The following CLOCK variants were observed in gnomAD, a reference collection of about 807,000 sequenced individuals.
CLOCK encodes circadian locomoter output cycles protein kaput.
A neutral mutation model predicts 118.4 loss-of-function variants in CLOCK; 43 were observed. The observed-to-expected ratio is 0.36, with a 90% CI of 0.28 to 0.47. The LOEUF is 0.47. Ranked by LOEUF, CLOCK falls within the 20% of genes least tolerant of loss-of-function variation. CLOCK has a pLI of 1.00. For missense variants in CLOCK, 846 were observed against 999.9 expected (o/e 0.85, Z 2.08); for synonymous variants, 326 against 339.2 (o/e 0.96, Z 0.43).
intron 2 of CLOCK, among the ~76,000 whole-genome samples, chr4:55,507,926 C>CCT (rs1728913272): frequency 6.6e-6 from 1 of 152,166 alleles, no homozygotes; most frequent in Non-Finnish European, 1.5e-5. Flanking sequence ...CACCAAGACT[C>CCT]CTGTTTTCAG....
intron 3 of CLOCK, among the ~76,000 whole-genome samples, chr4:55,486,128 A>G (rs1210799811): frequency 6.6e-6 from 1 of 152,212 alleles, no homozygotes; most frequent in Non-Finnish European, 1.5e-5. Context: ...TAACATCATT[A>G]TGACTCCGTA....
intron 1 of CLOCK, among the ~76,000 whole-genome samples, chr4:55,515,672 C>A (rs1323719799): frequency 6.6e-6 from 1 of 152,170 alleles, no homozygotes; most frequent in Non-Finnish European, 1.5e-5. Context: ...CGCGAGCCAC[C>A]ACGCCCAGCC....
chr4:55,530,549 T>A (rs1179255082), intron 1 of CLOCK, among the ~76,000 whole-genome samples: 4 of 151,228 alleles, frequency 2.6e-5, no homozygotes. Context: ...CCGAGGAGGG[T>A]GGATCACTTG....
intron 2 of CLOCK, among the ~76,000 whole-genome samples, chr4:55,504,278 T>G (rs1577813655): frequency 1.3e-5 from 1 of 78,160 alleles, no homozygotes; most frequent in Non-Finnish European, 2.2e-5. Flanking sequence ...ACAGCGAGAC[T>G]CCATCAAAAA....
intron 11 of CLOCK, among the ~76,000 whole-genome samples, chr4:55,457,247 C>T (rs28401668): frequency 0.016 from 2,366 of 152,234 alleles, 65 homozygotes; most frequent in African/African-American, 0.055. Flanking sequence ...CACAATTTTC[C>T]GTATTATTCT....
chr4:55,509,386 C>T (rs190157186), intron 2 of CLOCK, among the ~76,000 whole-genome samples: 143 of 152,250 alleles, frequency 9.4e-4, no homozygotes, highest in Non-Finnish European at 1.5e-3. Context: ...AGTTAGTCTT[C>T]GAGATTTTTT....
intron 8 of CLOCK, among the ~76,000 whole-genome samples, chr4:55,469,334 A>T (rs891599985): frequency 1.2e-4 from 18 of 152,092 alleles, no homozygotes; most frequent in Non-Finnish European, 2.5e-4. Flanking sequence ...ACCTCAGGTG[A>T]TCTGCATGCC....
chr4:55,471,189 T>A lies in CLOCK; in HGVS notation c.349-383A>T, dbSNP rs114318101. Among the ~76,000 whole-genome samples the A allele has an allele frequency of 6.1e-3, 930 of 152,332 alleles. 8 individuals are homozygous for A. The Middle Eastern group carries it at 0.065, about 11-fold the overall frequency. ...TTTTGTAGGCACACAAAGGAATACT[T>A]TGTTATTATCATGGATATGTTAACA... is the stretch of plus-strand genomic sequence containing the variant. On this transcript the variant is annotated intron_variant, in intron 7 of 22. Coordinates refer to ENST00000513440, the MANE Select transcript of CLOCK (RefSeq NM_004898.4).
At position 55,456,366 on chromosome 4, in the gene CLOCK, A is replaced by G. The variant is rs146606043; in HGVS notation, c.793-66T>C. 2.7e-4 allele frequency: 305 copies of G among 1,147,030 alleles called. 2 individuals carry two copies. In the East Asian group the frequency reaches 8.1e-3, roughly 30 times the overall value. 71.1% of individuals were successfully genotyped at this position (1,147,030 alleles called of 1,614,324 possible). On this transcript the variant is annotated intron_variant, in intron 11 of 22. Transcript: ENST00000513440. ...TTAAGAATATTAAATATTGCTACATATAAAAATAAGTCATGGCCAGGTGCA... is the reference window on the plus strand; with the variant it reads ...TTAAGAATATTAAATATTGCTACATGTAAAAATAAGTCATGGCCAGGTGCA...
chr4:55,537,182 CAT>C (rs1364467152), intron 1 of CLOCK, among the ~76,000 whole-genome samples: 7 of 152,088 alleles, frequency 4.6e-5, no homozygotes, highest in Non-Finnish European at 7.4e-5. Flanking sequence ...AAAATGGAAA[CAT>C]ATCAAAAACT....
chr4:55,451,395 C>A (rs1724435669), intron 15 of CLOCK, among the ~76,000 whole-genome samples: 1 of 152,098 alleles, frequency 6.6e-6, no homozygotes. Flanking sequence ...TAGCTATTAC[C>A]CCCCTGTTGT....
Position 55,482,719 on chromosome 4 carries a change from A to C in CLOCK, c.47+20T>G. On this transcript the variant is annotated intron_variant, in intron 4 of 22. Transcript: ENST00000513440. ...TTAAAATAATTATATATAACTTAAA[A>C]TAAGTCTTCAAAAACATACCTGTCA... is the stretch of plus-strand genomic sequence containing the variant. The C allele has an allele frequency of 6.4e-7, 1 of 1,552,784 alleles. No homozygotes were observed. The highest frequency in any genetic ancestry group is 8.8e-7 in the Non-Finnish European group (1 of 1,132,654).
In CLOCK at chr4:55,482,742, T is replaced by C; in HGVS notation, c.44A>G (p.Asp15Gly). Residue 15 changes from aspartate to glycine, a missense_variant, in exon 4 of 23, where the codon GAC becomes GGC. Physicochemically the swap from Asp to Gly is moderately conservative, Grantham distance 94 (BLOSUM62 -1). Coordinates refer to ENST00000513440, the MANE Select transcript of CLOCK (RefSeq NM_004898.4). Reference sequence around the variant, plus strand: ...AAATAAGTCTTCAAAAACATACCTGTCAACAATCGAGCTCATTTTACTACA... The same window carrying C: ...AAATAAGTCTTCAAAAACATACCTGCCAACAATCGAGCTCATTTTACTACA... The part of the protein sequence containing the change: ...VSCSKMSSIV[D>G]RDDSSIFDGL... The C allele has an allele frequency of 1.2e-6, 2 of 1,605,320 alleles. No individual in the cohort carries two copies. The highest frequency in any genetic ancestry group is 1.7e-6 in the Non-Finnish European group (2 of 1,174,786).
chr4:55,530,196 A>T (rs1286440378), intron 1 of CLOCK, among the ~76,000 whole-genome samples: 1 of 152,216 alleles, frequency 6.6e-6, no homozygotes, highest in Non-Finnish European at 1.5e-5. Flanking sequence ...ATAAAATTCC[A>T]TAACTACGAA....
intron 4 of CLOCK, 53 bp from the exon 5 acceptor site, chr4:55,479,752 T>C (rs1726789867): frequency 3.6e-6 from 5 of 1,380,224 alleles, no homozygotes; most frequent in Non-Finnish European, 2.1e-6. Flanking sequence ...GCAACAGCAA[T>C]ACTAAAGTGA....
At chr4:55,475,857 C>A in intron 7 of CLOCK, 106 bp downstream of exon 7, 1 of 741,612 alleles carries the variant, frequency 1.3e-6, no homozygotes, top group Non-Finnish European at 2.4e-6. Context: ...TTGCAGTGGT[C>A]TGGAACTCAA....
intron 1 of CLOCK, chr4:55,546,465 C>T (rs1347765633): frequency 6.6e-6 from 1 of 152,380 alleles, no homozygotes; most frequent in Non-Finnish European, 1.5e-5. Flanking sequence ...GCTCCCTCCC[C>T]TTCCCCGCGC....
intron 2 of CLOCK, among the ~76,000 whole-genome samples, chr4:55,493,442 C>T (rs942544928): frequency 3.3e-5 from 5 of 152,020 alleles, no homozygotes; most frequent in Non-Finnish European, 5.9e-5. Context: ...TTTAATTGAC[C>T]GGTATAATAC....
rs983894494 is a variant in CLOCK at position 55,433,280 on chromosome 4, A to T, written c.*2135T>A. ...CTCTACTGGATGGTCATTTAGCTAG[A>T]AGAGCTCCTTGATATGTTAATTACT... On this transcript the variant is annotated 3_prime_UTR_variant, in exon 23 of 23. Transcript: ENST00000513440. The T allele has an allele frequency of 6.6e-6, 1 of 152,658 alleles. No individual in the cohort carries two copies. The highest frequency in any genetic ancestry group is 6.5e-5 in the Admixed American group (1 of 15,286). 9.5% of individuals were successfully genotyped at this position (152,658 alleles called of 1,614,324 possible).
Sources: gnomAD v4.1 joint callset for allele counts (sites outside exome capture counted in the v4.1 genomes callset) on GRCh38, gnomAD v4.1.1 for gene constraint, MANE v1.5 for transcripts, NCBI Gene and HGNC (gene_info 2026-07-23, HGNC 2026-07-21) for gene names.